TNPO3: variants seen among roughly 807,000 people sequenced by gnomAD.
The protein encoded by TNPO3 is transportin 3.
In TNPO3, 65 loss-of-function variants were observed where a neutral mutation model predicts 122.8. That is an observed-to-expected ratio of 0.53 (90% CI 0.43 to 0.65). The LOEUF is 0.65. Among genes scored for constraint, TNPO3 ranks in the 30% least tolerant of loss-of-function variants. The pLI is 0.00. For missense variants in TNPO3, 850 were observed against 1,136.7 expected (o/e 0.75, Z 3.63); for synonymous variants, 372 against 411.2 (o/e 0.90, Z 1.15).
At chr7:129,023,092 A>G (rs1321136334) in intron 1 of TNPO3, among the ~76,000 whole-genome samples, 2 of 152,280 alleles carry the variant, frequency 1.3e-5, no homozygotes, top group East Asian at 1.9e-4. Flanking sequence ...TAGTATTGTT[A>G]GTCTGAGGCT....
chr7:129,030,961 C>T (rs1805864002), intron 1 of TNPO3, among the ~76,000 whole-genome samples: 1 of 152,038 alleles, frequency 6.6e-6, no homozygotes, highest in South Asian at 2.1e-4. Context: ...ACAACAACAA[C>T]AAAATTGACA....
At chr7:129,027,176 T>C (rs1391739833) in intron 1 of TNPO3, among the ~76,000 whole-genome samples, 1 of 152,108 alleles carries the variant, frequency 6.6e-6, no homozygotes, top group Non-Finnish European at 1.5e-5. Context: ...CCCTAAACAA[T>C]AAAGCTATCT....
At chr7:128,986,488 G>C (rs958961818) in intron 12 of TNPO3, among the ~76,000 whole-genome samples, 8 of 152,140 alleles carry the variant, frequency 5.3e-5, no homozygotes, top group African/African-American at 1.7e-4. Context: ...CCAAATCTAG[G>C]TCGGTGCTAT....
chr7:129,053,045 C>CG (rs960758447), intron 1 of TNPO3, among the ~76,000 whole-genome samples: 20 of 151,960 alleles, frequency 1.3e-4, no homozygotes, highest in South Asian at 1.3e-3. Context: ...AAAGTTGCAG[C>CG]GGGGGGCGAT....
chr7:129,012,514 A>G (rs1803334521), intron 4 of TNPO3, among the ~76,000 whole-genome samples: 1 of 152,236 alleles, frequency 6.6e-6, no homozygotes, highest in East Asian at 1.9e-4. Flanking sequence ...GGGAATGCTC[A>G]CTGGAGCATT....
intron 4 of TNPO3, among the ~76,000 whole-genome samples, chr7:129,014,761 T>TAAAA (rs1803638145): frequency 6.6e-6 from 1 of 152,186 alleles, no homozygotes; most frequent in South Asian, 2.1e-4. Flanking sequence ...CCATTTTTCA[T>TAAAA]TCATAAAAGA....
intron 18 of TNPO3, among the ~76,000 whole-genome samples, chr7:128,973,949 G>A (rs1360582709): frequency 2.0e-5 from 3 of 151,828 alleles, no homozygotes; most frequent in South Asian, 2.1e-4. Context: ...CAAGGTGGGC[G>A]GATCACCTGA....
intron 11 of TNPO3, among the ~76,000 whole-genome samples, chr7:128,987,267 G>A (rs564302122): frequency 1.3e-5 from 2 of 152,278 alleles, no homozygotes; most frequent in South Asian, 4.1e-4. Flanking sequence ...AGAATGCAAA[G>A]CTCAGGGAGT....
intron 5 of TNPO3, among the ~76,000 whole-genome samples, chr7:129,003,368 A>G (rs971372631): frequency 1.0e-4 from 15 of 147,954 alleles, no homozygotes; most frequent in African/African-American, 3.0e-4. Context: ...CCAAACATAC[A>G]GCAAAATAAA....
chr7:128,979,361 T>A lies in TNPO3; in HGVS notation c.1921-238A>T, dbSNP rs2272347. 0.59 allele frequency among the ~76,000 whole-genome samples: 90,083 copies of A among 152,016 alleles called. 26,883 individuals are homozygous for A. Among genetic ancestry groups the A allele is most frequent in the South Asian group, 0.62 (2,971 of 4,830 alleles). ...GAAGAGCATGTCTAACTTTGCTAAA[T>A]GACAGAGATACACAATTTCCTAAAC... is the stretch of plus-strand genomic sequence containing the variant. On this transcript the variant is annotated intron_variant, in intron 15 of 22. Coordinates refer to ENST00000265388, the MANE Select transcript of TNPO3 (RefSeq NM_012470.4).
At chr7:129,032,970 C>T (rs867728282) in intron 1 of TNPO3, among the ~76,000 whole-genome samples, 1 of 152,086 alleles carries the variant, frequency 6.6e-6, no homozygotes, top group South Asian at 2.1e-4. Context: ...GTAATCAAAA[C>T]AGTATGGGTA....
chr7:129,020,442 T>C (rs1481236719), intron 1 of TNPO3, among the ~76,000 whole-genome samples: 3 of 152,148 alleles, frequency 2.0e-5, no homozygotes, highest in African/African-American at 7.2e-5. Flanking sequence ...TGTTAATATC[T>C]TTTTATTTTA....
intron 1 of TNPO3, among the ~76,000 whole-genome samples, chr7:129,046,763 C>T (rs548040873): frequency 7.8e-4 from 119 of 152,080 alleles, no homozygotes; most frequent in Non-Finnish European, 1.4e-3. Flanking sequence ...TGGCGGAAGA[C>T]GAAGGAAGAG....
chr7:129,003,880 A>G (rs1367055158), intron 5 of TNPO3, among the ~76,000 whole-genome samples: 6 of 152,118 alleles, frequency 3.9e-5, no homozygotes. Context: ...AGAAATTACC[A>G]CTGTTAAGTT....
At chr7:128,993,346 C>T (rs562346569) in intron 9 of TNPO3, among the ~76,000 whole-genome samples, 137 of 152,314 alleles carry the variant, frequency 9.0e-4, no homozygotes, top group Non-Finnish European at 1.6e-3. Context: ...ATCTTCTACT[C>T]TAGCATAGTC....
At chr7:129,032,767 T>C (rs1806098536) in intron 1 of TNPO3, among the ~76,000 whole-genome samples, 1 of 152,178 alleles carries the variant, frequency 6.6e-6, no homozygotes, top group African/African-American at 2.4e-5. Flanking sequence ...ATTGTTAAGA[T>C]TTCAGTACTA....
At chr7:129,003,171 C>T (rs1802177092) in intron 5 of TNPO3, among the ~76,000 whole-genome samples, 3 of 150,044 alleles carry the variant, frequency 2.0e-5, no homozygotes, top group African/African-American at 4.9e-5. Context: ...TGCCGTGAGC[C>T]GAGATTGTGC....
At chr7:129,050,689 A>G (rs903294806) in intron 1 of TNPO3, among the ~76,000 whole-genome samples, 2 of 152,180 alleles carry the variant, frequency 1.3e-5, no homozygotes, top group African/African-American at 4.8e-5. Context: ...CTTAGTTGTG[A>G]GATCCATCCC....
At chr7:128,968,248 C>G (rs1302056676) in intron 20 of TNPO3, among the ~76,000 whole-genome samples, 1 of 152,112 alleles carries the variant, frequency 6.6e-6, no homozygotes. Flanking sequence ...CCATTCAGTT[C>G]CTTTGTGATA....
Sources: gnomAD v4.1 joint callset for allele counts (sites outside exome capture counted in the v4.1 genomes callset) on GRCh38, gnomAD v4.1.1 for gene constraint, MANE v1.5 for transcripts, NCBI Gene and HGNC (gene_info 2026-07-23, HGNC 2026-07-21) for gene names.